SHROOM3: variants seen among roughly 807,000 people sequenced by gnomAD.
SHROOM3 encodes shroom family member 3.
SHROOM3 carries 47 observed loss-of-function variants against 138.6 expected under a neutral mutation model. The observed-to-expected ratio is 0.34, with a 90% CI of 0.27 to 0.43. The LOEUF (loss-of-function observed/expected upper bound fraction) is 0.43. Ranked by LOEUF, SHROOM3 falls within the 20% of genes least tolerant of loss-of-function variation. The pLI is 1.00. For synonymous variants in SHROOM3, 1,062 were observed against 1,063.3 expected, an observed-to-expected ratio of 1.00 and a Z score of 0.02; for missense variants, 2,491 against 2,596.5, an observed-to-expected ratio of 0.96 and a Z score of 0.88.
chr4:76,606,008 T>TATATATA (rs1491237830), intron 2 of SHROOM3, among the ~76,000 whole-genome samples: 9 of 77,224 alleles, frequency 1.2e-4, no homozygotes, highest in African/African-American at 4.3e-4. Context: ...TATATATATA[T>TATATATA]TTTTTTTTTT....
intron 2 of SHROOM3, chr4:76,575,623 G>T (rs1283409632): frequency 6.6e-6 from 1 of 152,132 alleles, no homozygotes; most frequent in Non-Finnish European, 1.5e-5. Flanking sequence ...TTTTGCACCA[G>T]CCCAATATAT....
At chr4:76,638,126 C>T (rs1735555069) in intron 2 of SHROOM3, among the ~76,000 whole-genome samples, 2 of 152,226 alleles carry the variant, frequency 1.3e-5, no homozygotes, top group South Asian at 4.1e-4. Flanking sequence ...TCCATCTCTG[C>T]TTTCGTTCAT....
At chr4:76,523,462 T>A (rs1455009962) in intron 1 of SHROOM3, among the ~76,000 whole-genome samples, 1 of 152,132 alleles carries the variant, frequency 6.6e-6, no homozygotes, top group African/African-American at 2.4e-5. Context: ...GCATGTACAA[T>A]GTAGCAAAAT....
chr4:76,501,616 G>A (rs1173585260), intron 1 of SHROOM3, among the ~76,000 whole-genome samples: 1 of 151,946 alleles, frequency 6.6e-6, no homozygotes, highest in African/African-American at 2.4e-5. Context: ...TATAAGCTGG[G>A]GTCTTTCAGC....
At chr4:76,538,467 G>A (rs1271381757) in intron 1 of SHROOM3, among the ~76,000 whole-genome samples, 1 of 152,122 alleles carries the variant, frequency 6.6e-6, no homozygotes, top group East Asian at 1.9e-4. Flanking sequence ...AAGAATGGTG[G>A]CAAAAGTCAT....
intron 2 of SHROOM3, among the ~76,000 whole-genome samples, chr4:76,585,939 T>C (rs1015043203): frequency 1.3e-5 from 2 of 152,226 alleles, no homozygotes; most frequent in African/African-American, 2.4e-5. Flanking sequence ...GCTGTGTTCT[T>C]CTTTACCTTC....
intron 9 of SHROOM3, among the ~76,000 whole-genome samples, chr4:76,762,350 G>A (rs1466189427): frequency 6.6e-6 from 1 of 152,200 alleles, no homozygotes; most frequent in Non-Finnish European, 1.5e-5. Flanking sequence ...ATGTTAAGAT[G>A]TTCAGTGAGA....
intron 9 of SHROOM3, among the ~76,000 whole-genome samples, chr4:76,769,263 C>A (rs1257737990): frequency 6.7e-6 from 1 of 149,432 alleles, no homozygotes; most frequent in Non-Finnish European, 1.5e-5. Flanking sequence ...TATACACACA[C>A]ACCAATTATA....
At chr4:76,638,995 C>T (rs1735582394) in intron 2 of SHROOM3, 1 of 152,162 alleles carries the variant, frequency 6.6e-6, no homozygotes. Context: ...CAACCAAGAA[C>T]TCCTACGGAC....
rs182515458 is a variant in SHROOM3, at chr4:76,435,780, A to G, written c.-273A>G. On this transcript the variant is annotated 5_prime_UTR_variant, in exon 1 of 11. Coordinates refer to ENST00000296043, the MANE Select transcript of SHROOM3 (RefSeq NM_020859.4). ...TGAAGGAAGTTTTGACGAACGGAGTAGAGATGTATACCACTTGGGGGCTTC... is the reference window on the plus strand; with the variant it reads ...TGAAGGAAGTTTTGACGAACGGAGTGGAGATGTATACCACTTGGGGGCTTC... 2,359 of 385,884 alleles carry G rather than the reference A, an allele frequency of 6.1e-3. 15 individuals carry two copies. Among genetic ancestry groups the G allele is most frequent in the Non-Finnish European group, 8.7e-3 (1,866 of 213,298 alleles). The allele number at this position is 385,884 out of a possible 1,614,324, so 23.9% of individuals were successfully genotyped here. A position where few individuals can be genotyped will look rare whatever the true frequency, so the allele number is the denominator to read the frequency against.
chr4:76,575,117 A>G (rs1430179652), intron 2 of SHROOM3, among the ~76,000 whole-genome samples: 1 of 152,254 alleles, frequency 6.6e-6, no homozygotes, highest in Non-Finnish European at 1.5e-5. Flanking sequence ...ATTTCAAGTG[A>G]AGCTGAAAAA....
chr4:76,552,053 G>A (rs1451291578), intron 1 of SHROOM3, among the ~76,000 whole-genome samples: 1 of 147,818 alleles, frequency 6.8e-6, no homozygotes, highest in Admixed American at 6.7e-5. Flanking sequence ...AGTAGAGACG[G>A]GGTTTCACCG....
At chr4:76,538,656 A>T (rs1733032859) in intron 1 of SHROOM3, among the ~76,000 whole-genome samples, 1 of 152,216 alleles carries the variant, frequency 6.6e-6, no homozygotes. Context: ...TGAAGGACTT[A>T]AAAAAAACTT....
chr4:76,641,927 G>A (rs769169556), intron 2 of SHROOM3, among the ~76,000 whole-genome samples: 13 of 152,122 alleles, frequency 8.5e-5, no homozygotes, highest in Admixed American at 4.6e-4. Context: ...AGGGGAAACC[G>A]GTCAGAGCCT....
At chr4:76,473,033 C>T (rs1369679379) in intron 1 of SHROOM3, among the ~76,000 whole-genome samples, 1 of 152,118 alleles carries the variant, frequency 6.6e-6, no homozygotes, top group African/African-American at 2.4e-5. Flanking sequence ...CACAAGCAAC[C>T]AGCATATGTT....
intron 4 of SHROOM3, among the ~76,000 whole-genome samples, chr4:76,734,621 C>G (rs1720978078): frequency 6.6e-6 from 1 of 152,068 alleles, no homozygotes; most frequent in South Asian, 2.1e-4. Flanking sequence ...AGCGATCCTC[C>G]CGCCTCAGCC....
chr4:76,633,096 C>T (rs998928100), intron 2 of SHROOM3, among the ~76,000 whole-genome samples: 8 of 151,974 alleles, frequency 5.3e-5, no homozygotes, highest in African/African-American at 1.2e-4. Context: ...TGCAGCCGAG[C>T]GCGGTGGCTC....
At chr4:76,681,625 G>GTGTGTGTGTGTGTGTGTATGTA (rs150048957) in intron 2 of SHROOM3, among the ~76,000 whole-genome samples, 4,396 of 117,556 alleles carry the variant, frequency 0.037, 241 homozygotes, top group East Asian at 0.14. Flanking sequence ...GTGTGTGTGT[G>GTGTGTGTGTGTGTGTGTATGTA]TGTGTGTGTA....
At chr4:76,491,298 G>C (rs1001822976) in intron 1 of SHROOM3, among the ~76,000 whole-genome samples, 3 of 152,196 alleles carry the variant, frequency 2.0e-5, no homozygotes, top group African/African-American at 7.2e-5. Flanking sequence ...GGAAATAGGA[G>C]ATTAAGCCAA....
Sources: allele counts gnomAD v4.1 joint callset (sites outside exome capture counted in the v4.1 genomes callset), GRCh38; gene constraint gnomAD v4.1.1; transcripts MANE v1.5; gene names NCBI Gene and HGNC (gene_info 2026-07-23, HGNC 2026-07-21).